The following ACVR2A variants were observed in gnomAD, a reference collection of about 807,000 sequenced individuals.
ACVR2A encodes activin receptor type-2A.
Under a neutral mutation model 61.4 loss-of-function variants are expected in ACVR2A, and 7 were observed. That is an observed-to-expected ratio of 0.11 (90% CI 0.06 to 0.21). The LOEUF (loss-of-function observed/expected upper bound fraction) is 0.21. ACVR2A is among the 10% of genes least tolerant of loss of function. ACVR2A has a pLI of 1.00. For missense variants in ACVR2A, 322 were observed against 621.7 expected, an observed-to-expected ratio of 0.52 and a Z score of 5.13; for synonymous variants, 193 against 208.3, an observed-to-expected ratio of 0.93 and a Z score of 0.63.
At chr2:147,926,232 C>T (rs1405985296) in intron 10 of ACVR2A, 71 bp downstream of exon 10, 1 of 1,523,500 alleles carries the variant, frequency 6.6e-7, no homozygotes, top group African/African-American at 1.4e-5. Context: ...TTTATCTCTG[C>T]ACATTTCTCT....
rs1351335938 is a variant in ACVR2A at position 147,928,050 on chromosome 2, A to G, written c.*776A>G. On this transcript the variant is annotated 3_prime_UTR_variant, in exon 11 of 11. Transcript: ENST00000241416. ...TTAGCATTTCTTGTGCTGGCTTGTA[A>G]TGTAGGGAAAAAAAGTGCTGTTTTT... 1 of 152,190 alleles carries G rather than the reference A, an allele frequency of 6.6e-6. No homozygotes were observed. Among genetic ancestry groups the G allele is most frequent in the Non-Finnish European group, 1.5e-5 (1 of 67,912 alleles). The allele number at this position is 152,190 out of a possible 1,614,324, so 9.4% of individuals were successfully genotyped here. A position where few individuals can be genotyped will look rare whatever the true frequency, so the allele number is the denominator to read the frequency against.
At chr2:147,847,752 A>G (rs2035822558) in intron 1 of ACVR2A, among the ~76,000 whole-genome samples, 1 of 152,064 alleles carries the variant, frequency 6.6e-6, no homozygotes, top group African/African-American at 2.4e-5. Flanking sequence ...ATTACCTTTG[A>G]TTTTGAATTT....
chr2:147,907,290 G>T (rs1432537189), intron 4 of ACVR2A, among the ~76,000 whole-genome samples: 1 of 152,138 alleles, frequency 6.6e-6, no homozygotes, highest in Non-Finnish European at 1.5e-5. Context: ...GAATAGTGCT[G>T]CAGTAAATAT....
rs1687633172 is a variant in ACVR2A at position 147,930,111 on chromosome 2, T to C, written c.*2837T>C. On this transcript the variant is annotated 3_prime_UTR_variant, in exon 11 of 11. Coordinates refer to ENST00000241416, the MANE Select transcript of ACVR2A (RefSeq NM_001616.5). ...AGAAAAAGAGACTGTGCTTCACGAT[T>C]GTTAGTCCCATGAACTTGCACTATC... 2 of 152,504 alleles carry C rather than the reference T, an allele frequency of 1.3e-5. No individual in the cohort carries two copies. The highest frequency in any genetic ancestry group is 4.8e-5 in the African/African-American group (2 of 41,440). 9.4% of individuals were successfully genotyped at this position (152,504 alleles called of 1,614,324 possible). A position where few individuals can be genotyped will look rare whatever the true frequency, so the allele number is the denominator to read the frequency against.
chr2:147,925,271 T>A (rs370644339), intron 9 of ACVR2A, among the ~76,000 whole-genome samples: 55 of 152,158 alleles, frequency 3.6e-4, no homozygotes, highest in African/African-American at 1.2e-3. Flanking sequence ...ATAGAGGTAC[T>A]GCCATCTTAA....
At position 147,920,216 on chromosome 2, in the gene ACVR2A, T is replaced by C; in HGVS notation, c.963-14T>C. ...TAGTTTAAACTTAATTTGAATACTC[T>C]TTTTATTTGCAAGGGACATCAAAAG... On this transcript the variant is annotated splice_polypyrimidine_tract_variant and intron_variant, in intron 7 of 10. Transcript: ENST00000241416. 2 of 1,588,434 alleles carry C rather than the reference T, an allele frequency of 1.3e-6. No homozygotes were observed. Among genetic ancestry groups the C allele is most frequent in the Non-Finnish European group, 1.7e-6 (2 of 1,158,952 alleles).
At chr2:147,873,569 A>G (rs1686082235) in intron 1 of ACVR2A, among the ~76,000 whole-genome samples, 1 of 151,864 alleles carries the variant, frequency 6.6e-6, no homozygotes, top group Non-Finnish European at 1.5e-5. Context: ...TGATGCCAGG[A>G]AATTGGGGAA....
At chr2:147,922,126 A>G (rs1687395157) in intron 8 of ACVR2A, among the ~76,000 whole-genome samples, 1 of 152,100 alleles carries the variant, frequency 6.6e-6, no homozygotes, top group South Asian at 2.1e-4. Flanking sequence ...AATTATTCTG[A>G]GTAGTAAATT....
intron 1 of ACVR2A, among the ~76,000 whole-genome samples, chr2:147,849,416 TTTC>T (rs1558957519): frequency 6.6e-6 from 1 of 152,150 alleles, no homozygotes; most frequent in Non-Finnish European, 1.5e-5. Context: ...AAAAAAGATA[TTTC>T]TTTTGTCTAG....
At chr2:147,852,964 A>G (rs530601842) in intron 1 of ACVR2A, among the ~76,000 whole-genome samples, 7 of 152,092 alleles carry the variant, frequency 4.6e-5, no homozygotes, top group Non-Finnish European at 1.0e-4. Context: ...CCTTAAATTC[A>G]AATGAAAAGT....
At chr2:147,894,095 A>G (rs192525365) in intron 1 of ACVR2A, among the ~76,000 whole-genome samples, 31 of 152,184 alleles carry the variant, frequency 2.0e-4, no homozygotes, top group Admixed American at 1.0e-3. Context: ...TGGATATTCA[A>G]TTGCTCCAGC....
intron 1 of ACVR2A, among the ~76,000 whole-genome samples, chr2:147,892,503 T>TTTTTTTTTTTTTTTTTTTTTTTTTTG (rs1193831489): frequency 6.7e-6 from 1 of 148,570 alleles, no homozygotes. Flanking sequence ...AAAACTTTTT[T>TTTTTTTTTTTTTTTTTTTTTTTTTTG]AAAATAGTAA....
At chr2:147,918,646 T>C (rs1687309429) in intron 7 of ACVR2A, 54 bp downstream of exon 7, 1 of 1,472,590 alleles carries the variant, frequency 6.8e-7, no homozygotes, top group East Asian at 2.4e-5. Context: ...TTTACTAAAC[T>C]TTTAAGCCCC....
chr2:147,899,384 C>A, intron 2 of ACVR2A, 74 bp from the exon 3 acceptor site: 1 of 908,096 alleles, frequency 1.1e-6, no homozygotes, highest in South Asian at 2.7e-5. Flanking sequence ...TATTTTATTG[C>A]AGAATAAAAA....
intron 6 of ACVR2A, 53 bp from the exon 7 acceptor site, chr2:147,918,394 T>A: frequency 6.6e-7 from 1 of 1,513,542 alleles, no homozygotes. Flanking sequence ...AGTCTCCTTA[T>A]ACATATGGCC....
At chr2:147,854,935 G>A (rs973226616) in intron 1 of ACVR2A, among the ~76,000 whole-genome samples, 1 of 151,950 alleles carries the variant, frequency 6.6e-6, no homozygotes, top group African/African-American at 2.4e-5. Flanking sequence ...AGGCTGGAGT[G>A]CAGTGGTGCA....
At chr2:147,869,928 A>T (rs1430609649) in intron 1 of ACVR2A, among the ~76,000 whole-genome samples, 1 of 152,034 alleles carries the variant, frequency 6.6e-6, no homozygotes, top group Non-Finnish European at 1.5e-5. Flanking sequence ...GTATGTTTGC[A>T]GTGTAGGGTT....
intron 1 of ACVR2A, among the ~76,000 whole-genome samples, chr2:147,850,474 C>G (rs989708104): frequency 3.9e-5 from 6 of 152,050 alleles, no homozygotes; most frequent in African/African-American, 1.4e-4. Context: ...TTTTCCTTAA[C>G]TCTTTGCTGC....
intron 1 of ACVR2A, among the ~76,000 whole-genome samples, chr2:147,862,106 TAG>T (rs1202318917): frequency 6.6e-6 from 1 of 152,198 alleles, no homozygotes; most frequent in Non-Finnish European, 1.5e-5. Context: ...TTCTGGCTTT[TAG>T]AGAGTCCCCT....
Sources: gnomAD v4.1 joint callset for allele counts (sites outside exome capture counted in the v4.1 genomes callset) on GRCh38, gnomAD v4.1.1 for gene constraint, MANE v1.5 for transcripts, NCBI Gene and HGNC (gene_info 2026-07-23, HGNC 2026-07-21) for gene names.